Variants in RGMA observed in about 807,000 individuals in gnomAD.
RGMA encodes repulsive guidance molecule BMP co-receptor a, also known as repulsive guidance molecule A.
A neutral mutation model predicts 23.2 loss-of-function variants in RGMA; 10 were observed. The ratio of observed to expected loss-of-function variants is 0.43; its 90% CI spans 0.27 to 0.73. RGMA has a LOEUF of 0.73. Ranked by LOEUF, RGMA falls within the 30% of genes least tolerant of loss-of-function variation. The pLI, the probability that RGMA is intolerant of heterozygous loss-of-function variation, is 0.20. For missense variants in RGMA, 547 were observed against 630.5 expected, an observed-to-expected ratio of 0.87 and a Z score of 1.42; for synonymous variants, 308 against 279.3, an observed-to-expected ratio of 1.10 and a Z score of -1.03.
intron 2 of RGMA, chr15:93,065,829 C>T: frequency 1.3e-6 from 1 of 789,038 alleles, no homozygotes; most frequent in Non-Finnish European, 2.2e-6. Context: ...GGAACCCGCT[C>T]ACCTCCCTGC....
chr15:93,085,654 A>G (rs893424995), intron 1 of RGMA, among the ~76,000 whole-genome samples: 2 of 152,240 alleles, frequency 1.3e-5, no homozygotes, highest in Non-Finnish European at 2.9e-5. Context: ...GTTACCAGTG[A>G]CTTAAAACTT....
intron 2 of RGMA, among the ~76,000 whole-genome samples, chr15:93,067,778 C>T (rs906120386): frequency 1.3e-5 from 2 of 152,168 alleles, no homozygotes; most frequent in Non-Finnish European, 2.9e-5. Context: ...GAGACCCTCC[C>T]TTCTGATGCT....
At chr15:93,081,149 T>C (rs886126901) in intron 1 of RGMA, among the ~76,000 whole-genome samples, 1 of 152,136 alleles carries the variant, frequency 6.6e-6, no homozygotes, top group African/African-American at 2.4e-5. Context: ...CTGTCCTATC[T>C]TCAGCCCCTC....
intron 1 of RGMA, among the ~76,000 whole-genome samples, chr15:93,077,859 C>A (rs910800816): frequency 1.3e-5 from 2 of 152,174 alleles, no homozygotes; most frequent in Non-Finnish European, 2.9e-5. Flanking sequence ...AGGCACACGC[C>A]ACCACACCCG....
intron 2 of RGMA, among the ~76,000 whole-genome samples, chr15:93,068,093 A>C (rs1895214652): frequency 6.6e-6 from 1 of 152,192 alleles, no homozygotes; most frequent in Admixed American, 6.5e-5. Context: ...TAGGGTTTTA[A>C]TCTAACTGTC....
Position 93,064,240 on chromosome 15 carries a change from G to A in RGMA, c.130+8676C>T, listed in dbSNP as rs535229984. 5.6e-4 allele frequency among the ~76,000 whole-genome samples: 85 copies of A among 152,332 alleles called. 1 individual carries two copies. The highest frequency in any genetic ancestry group is 9.8e-4 in the Non-Finnish European group (67 of 68,026). ...AGGGCTGGACACAGGATTCCACGCC[G>A]GCACCATCCTGTCTCAGGGCAGAGT... is the stretch of plus-strand genomic sequence containing the variant. On this transcript the variant is annotated intron_variant, in intron 2 of 3. Transcript: ENST00000329082.
chr15:93,053,216 C>T (rs954492953), intron 2 of RGMA, among the ~76,000 whole-genome samples: 7 of 152,236 alleles, frequency 4.6e-5, no homozygotes, highest in African/African-American at 1.7e-4. Flanking sequence ...GGATCCCTCA[C>T]AAGCTTTGAG....
At position 93,043,700 on chromosome 15, in the gene RGMA, G is replaced by C. The variant is rs888314180; in HGVS notation, c.*1298C>G. On this transcript the variant is annotated 3_prime_UTR_variant, in exon 4 of 4. Transcript: ENST00000329082. ...AGGGAGCAGGACCTCTTGGAGGGAGGGGGAGACACACGTTCTGCAGCCTCC... is the reference window on the plus strand; with the variant it reads ...AGGGAGCAGGACCTCTTGGAGGGAGCGGGAGACACACGTTCTGCAGCCTCC... 11 of 152,060 alleles carry C rather than the reference G, an allele frequency of 7.2e-5. No individual in the cohort carries two copies. Among genetic ancestry groups the C allele is most frequent in the African/African-American group, 2.7e-4 (11 of 41,406 alleles). The allele number at this position is 152,060 out of a possible 1,614,324, so 9.4% of individuals were successfully genotyped here. A position where few individuals can be genotyped will look rare whatever the true frequency, so the allele number is the denominator to read the frequency against.
chr15:93,077,771 G>A (rs560295641), intron 1 of RGMA, among the ~76,000 whole-genome samples: 1 of 152,328 alleles, frequency 6.6e-6, no homozygotes, highest in South Asian at 2.1e-4. Context: ...GCAATGGTGC[G>A]ACCTCGGCTC....
rs530252203 is a variant in RGMA at position 93,053,196 on chromosome 15, T to C, written c.131-689A>G. 3.3e-5 allele frequency among the ~76,000 whole-genome samples: 5 copies of C among 152,198 alleles called. No individual in the cohort carries two copies. In the South Asian group the frequency reaches 1.0e-3, roughly 32 times the overall value. The stretch of plus-strand genomic sequence containing the variant: ...AAGCAAGCTGAGAAGCAACTGAGAG[T>C]AGTAACCTTGGATCCCTCACAAGCT... On this transcript the variant is annotated intron_variant, in intron 2 of 3. Coordinates refer to ENST00000329082, the MANE Select transcript of RGMA (RefSeq NM_020211.3).
intron 2 of RGMA, among the ~76,000 whole-genome samples, chr15:93,070,898 C>T (rs3887013): frequency 0.14 from 21,828 of 152,184 alleles, 1,995 homozygotes; most frequent in Middle Eastern, 0.28. Flanking sequence ...CAGCCTATGG[C>T]GGGATGCTTT....
chr15:93,071,479 C>A (rs1328190238), intron 2 of RGMA, among the ~76,000 whole-genome samples: 3 of 152,212 alleles, frequency 2.0e-5, no homozygotes, highest in Non-Finnish European at 4.4e-5. Context: ...TTGTCCTTGG[C>A]CAGGCCTCCC....
At chr15:93,051,573 C>T (rs138528626) in intron 3 of RGMA, among the ~76,000 whole-genome samples, 295 of 152,344 alleles carry the variant, frequency 1.9e-3, no homozygotes, top group African/African-American at 6.6e-3. Context: ...TGAGCAGGAC[C>T]TGAGTCCTGC....
chr15:93,078,870 C>T (rs1372790690), intron 1 of RGMA, among the ~76,000 whole-genome samples: 25 of 152,226 alleles, frequency 1.6e-4, no homozygotes, highest in Non-Finnish European at 2.9e-5. Flanking sequence ...AAACATTTTG[C>T]AAAGACCCCA....
rs1895100032 is a variant in RGMA at position 93,065,128 on chromosome 15, C to T, written c.130+7788G>A. Among the ~76,000 whole-genome samples the T allele has an allele frequency of 2.0e-5, 3 of 152,236 alleles. No homozygotes were observed. The South Asian group carries it at 6.2e-4, about 32-fold the overall frequency. On this transcript the variant is annotated intron_variant, in intron 2 of 3. Transcript: ENST00000329082. ...GAGTAGCTGGGATTACAGGCACATG[C>T]CACAATGCCCAGCTAATTTTTTTGT...
chr15:93,070,981 T>C (rs1895303215), intron 2 of RGMA, among the ~76,000 whole-genome samples: 1 of 152,210 alleles, frequency 6.6e-6, no homozygotes, highest in African/African-American at 2.4e-5. Context: ...CCATGCAGCC[T>C]CCTACCTCTG....
intron 2 of RGMA, among the ~76,000 whole-genome samples, chr15:93,054,125 G>T (rs2054973425): frequency 6.6e-6 from 1 of 151,406 alleles, no homozygotes; most frequent in East Asian, 1.9e-4. Flanking sequence ...AGCTACTCGG[G>T]AGGCTGTGGC....
chr15:93,074,695 C>T (rs560151292), intron 1 of RGMA, among the ~76,000 whole-genome samples: 59 of 152,304 alleles, frequency 3.9e-4, no homozygotes, highest in African/African-American at 1.4e-3. Context: ...AGCCCACCAT[C>T]GAAAATGCTC....
chr15:93,045,772 A>C lies in RGMA; in HGVS notation c.646-67T>G. The C allele has an allele frequency of 8.6e-7, 1 of 1,168,660 alleles. No individual in the cohort carries two copies. The highest frequency in any genetic ancestry group is 1.2e-6 in the Non-Finnish European group (1 of 800,648). The allele number at this position is 1,168,660 out of a possible 1,614,324, so 72.4% of individuals were successfully genotyped here. ...GGGAGGAGGCACAGCCCCACACTTA[A>C]GATGCTCTAGACTGAGAGGAGGGCA... is the stretch of plus-strand genomic sequence containing the variant. On this transcript the variant is annotated intron_variant, in intron 3 of 3. Transcript: ENST00000329082. This position sits in a 1 kb window ranked among gnomAD's most constrained non-coding sequence, Gnocchi z 6.9.
Sources: gnomAD v4.1 joint callset for allele counts (sites outside exome capture counted in the v4.1 genomes callset) on GRCh38, gnomAD v4.1.1 for gene constraint, Gnocchi (gnomAD v3.1) non-coding constraint, MANE v1.5 for transcripts, NCBI Gene and HGNC (gene_info 2026-07-23, HGNC 2026-07-21) for gene names.